Variants in PTPRC observed in about 807,000 individuals in gnomAD.
PTPRC encodes the protein protein tyrosine phosphatase receptor type C.
PTPRC carries 44 observed loss-of-function variants against 155.9 expected under a neutral mutation model. The ratio of observed to expected loss-of-function variants is 0.28; its 90% CI spans 0.22 to 0.36. The LOEUF is 0.36. Among genes scored for constraint, PTPRC ranks in the 10% least tolerant of loss-of-function variants. PTPRC has a pLI of 1.00. For synonymous variants in PTPRC, 525 were observed against 533.1 expected (o/e 0.98, Z 0.21); for missense variants, 1,401 against 1,564.6 (o/e 0.90, Z 1.76).
In PTPRC at chr1:198,685,802, T is replaced by C. The variant is rs148022446; in HGVS notation, c.74-6545T>C. ...GAGGTCAAGTATGCATTCTCAACCT[T>C]CAAAACATGCTATCATTCATTTTAG... is the stretch of plus-strand genomic sequence containing the variant. On this transcript the variant is annotated intron_variant, in intron 2 of 32. Transcript: ENST00000442510. Among the ~76,000 whole-genome samples, 11 of 152,184 alleles carry C rather than the reference T, an allele frequency of 7.2e-5. No homozygotes were observed. The East Asian group carries it at 2.1e-3, about 29-fold the overall frequency.
intron 2 of PTPRC, among the ~76,000 whole-genome samples, chr1:198,642,928 C>A (rs1292034996): frequency 1.4e-5 from 2 of 147,208 alleles, no homozygotes; most frequent in Non-Finnish European, 3.0e-5. Flanking sequence ...TTCTTTCTTT[C>A]TTTCTTTCTT....
At chr1:198,715,644 G>GA (rs555130847) in intron 12 of PTPRC, among the ~76,000 whole-genome samples, 2,758 of 145,500 alleles carry the variant, frequency 0.019, 36 homozygotes, top group Non-Finnish European at 0.024. Flanking sequence ...ATTTTTTTAA[G>GA]AAAAAAAAAA....
chr1:198,678,770 T>G (rs538427903), intron 2 of PTPRC, among the ~76,000 whole-genome samples: 2 of 151,562 alleles, frequency 1.3e-5, no homozygotes, highest in African/African-American at 4.8e-5. Context: ...TTTTGTAACC[T>G]CCCTTAAAGA....
chr1:198,652,552 G>A (rs942554667), intron 2 of PTPRC, among the ~76,000 whole-genome samples: 4 of 146,234 alleles, frequency 2.7e-5, no homozygotes, highest in Non-Finnish European at 4.5e-5. Context: ...ATCCAATTAC[G>A]TAAACAAATA....
At chr1:198,646,582 T>C (rs1662949174) in intron 2 of PTPRC, among the ~76,000 whole-genome samples, 1 of 151,910 alleles carries the variant, frequency 6.6e-6, no homozygotes, top group African/African-American at 2.4e-5. Flanking sequence ...TTTTTTGTTG[T>C]GTTGAAATTT....
At chr1:198,755,365 T>C (rs1185249762) in intron 32 of PTPRC, among the ~76,000 whole-genome samples, 1 of 152,102 alleles carries the variant, frequency 6.6e-6, no homozygotes, top group Non-Finnish European at 1.5e-5. Context: ...ATGTATGATA[T>C]TGAGATTTCA....
At chr1:198,746,152 G>A (rs1468519097) in intron 26 of PTPRC, among the ~76,000 whole-genome samples, 1 of 151,816 alleles carries the variant, frequency 6.6e-6, no homozygotes, top group African/African-American at 2.4e-5. Flanking sequence ...ACCTTGGAAA[G>A]AAGAGAATAT....
intron 11 of PTPRC, among the ~76,000 whole-genome samples, chr1:198,711,634 A>T (rs1246377893): frequency 6.6e-6 from 1 of 152,216 alleles, no homozygotes; most frequent in African/African-American, 2.4e-5. Flanking sequence ...AGTGCATAAA[A>T]ATTGAATATT....
At chr1:198,734,170 C>T (rs772106666) in intron 20 of PTPRC, 26 bp from the exon 21 acceptor site, 10 of 1,603,636 alleles carry the variant, frequency 6.2e-6, no homozygotes, top group Non-Finnish European at 7.7e-6. Flanking sequence ...CAGCAAATGA[C>T]ATATCTCTGC....
intron 2 of PTPRC, among the ~76,000 whole-genome samples, chr1:198,660,892 C>G (rs183889690): frequency 6.6e-6 from 1 of 152,280 alleles, no homozygotes; most frequent in Admixed American, 6.5e-5. Flanking sequence ...TAGCTGCTAA[C>G]TTTCACACCA....
chr1:198,704,379 G>A lies in PTPRC; in HGVS notation c.659-93G>A, dbSNP rs1014594172. On this transcript the variant is annotated intron_variant, in intron 7 of 32. Transcript: ENST00000442510. ...AATCTAACTAGATAGACTTTATGAA[G>A]TAGAAGTATTGTAAATCAGCTTTCC... 35 of 1,586,334 alleles carry A rather than the reference G, an allele frequency of 2.2e-5. 1 individual carries two copies. Among genetic ancestry groups the A allele is most frequent in the Non-Finnish European group, 2.9e-5 (34 of 1,162,086 alleles).
chr1:198,712,707 G>A (rs1404369368), intron 11 of PTPRC: 4 of 494,434 alleles, frequency 8.1e-6, no homozygotes, highest in African/African-American at 1.9e-5. Flanking sequence ...GGAAGAGGGG[G>A]TTCTTAGATA....
chr1:198,723,348 A>T (rs1260005698), intron 15 of PTPRC, among the ~76,000 whole-genome samples: 1 of 152,122 alleles, frequency 6.6e-6, no homozygotes, highest in African/African-American at 2.4e-5. Context: ...TATGTTACAT[A>T]TGCACATATG....
chr1:198,746,453 T>A (rs1166600200), intron 26 of PTPRC, among the ~76,000 whole-genome samples: 1 of 151,220 alleles, frequency 6.6e-6, no homozygotes, highest in African/African-American at 2.4e-5. Flanking sequence ...GACATCCAGG[T>A]TTTAATTGGT....
At chr1:198,655,606 C>T (rs1663520316) in intron 2 of PTPRC, among the ~76,000 whole-genome samples, 1 of 105,104 alleles carries the variant, frequency 9.5e-6, no homozygotes, top group East Asian at 3.6e-4. Context: ...CAATAAGTGA[C>T]TTGACTTCTT....
rs74134765 is a variant in PTPRC at position 198,646,016 on chromosome 1, G to A, written c.73+6675G>A. ...AGCTCCTATTGGTAGAAAATATACTGAACCCGTGATTTGATACCAAGTATG... is the reference window on the plus strand; with the variant it reads ...AGCTCCTATTGGTAGAAAATATACTAAACCCGTGATTTGATACCAAGTATG... On this transcript the variant is annotated intron_variant, in intron 2 of 32. Coordinates refer to ENST00000442510, the MANE Select transcript of PTPRC (RefSeq NM_002838.5). Among the ~76,000 whole-genome samples, 792 of 151,734 alleles carry A rather than the reference G, an allele frequency of 5.2e-3. 6 individuals carry two copies. Among genetic ancestry groups the A allele is most frequent in the African/African-American group, 0.018 (753 of 41,418 alleles).
At chr1:198,652,259 T>C (rs1255303592) in intron 2 of PTPRC, among the ~76,000 whole-genome samples, 2 of 151,684 alleles carry the variant, frequency 1.3e-5, no homozygotes, top group Non-Finnish European at 3.0e-5. Context: ...GCTTAATCCT[T>C]ATTTAAAAGA....
At chr1:198,688,939 A>G (rs888281705) in intron 2 of PTPRC, among the ~76,000 whole-genome samples, 1 of 152,194 alleles carries the variant, frequency 6.6e-6, no homozygotes, top group African/African-American at 2.4e-5. Context: ...AAGACACTTG[A>G]CTTTTCTAAG....
intron 2 of PTPRC, among the ~76,000 whole-genome samples, chr1:198,691,733 T>C (rs1197304807): frequency 6.6e-6 from 1 of 152,124 alleles, no homozygotes; most frequent in East Asian, 1.9e-4. Context: ...TCCTTTAGGT[T>C]GTAGCTTAAA....
Sources: gnomAD v4.1 joint callset for allele counts (sites outside exome capture counted in the v4.1 genomes callset) on GRCh38, gnomAD v4.1.1 for gene constraint, MANE v1.5 for transcripts, NCBI Gene and HGNC (gene_info 2026-07-23, HGNC 2026-07-21) for gene names.